TSPAN8: variants seen among roughly 807,000 people sequenced by gnomAD.
TSPAN8 encodes tetraspanin 8, also known as tetraspanin-8.
In TSPAN8, 21 loss-of-function variants were observed where a neutral mutation model predicts 32.8. The ratio of observed to expected loss-of-function variants is 0.64; its 90% CI spans 0.45 to 0.92. The LOEUF is 0.92. Among genes scored for constraint, TSPAN8 ranks in the 40% least tolerant of loss-of-function variants. TSPAN8 has a pLI of 0.00. For missense variants in TSPAN8, 269 were observed against 281.9 expected (o/e 0.95, Z 0.33); for synonymous variants, 95 against 94.6 (o/e 1.00, Z -0.03).
In TSPAN8 at chr12:71,150,595, T is replaced by C. The variant is rs145575193; in HGVS notation, c.61-6382A>G. 3.5e-3 allele frequency among the ~76,000 whole-genome samples: 530 copies of C among 152,282 alleles called. 1 individual carries two copies. Among genetic ancestry groups the C allele is most frequent in the Non-Finnish European group, 5.9e-3 (400 of 68,018 alleles). On this transcript the variant is annotated intron_variant, in intron 2 of 8. Coordinates refer to ENST00000247829, the MANE Select transcript of TSPAN8 (RefSeq NM_004616.3). ...TTATTTCTCAGCCAGCTGACACTTA[T>C]GGAAAATAGAACCTACGTTGAAATA...
chr12:71,135,449 A>G (rs1308341239), intron 6 of TSPAN8, among the ~76,000 whole-genome samples: 1 of 150,272 alleles, frequency 6.7e-6, no homozygotes. Flanking sequence ...AAAAAGAATC[A>G]GCAGAAGAAG....
At chr12:71,141,630 G>A (rs780096156) in intron 3 of TSPAN8, among the ~76,000 whole-genome samples, 1 of 152,222 alleles carries the variant, frequency 6.6e-6, no homozygotes, top group Non-Finnish European at 1.5e-5. Flanking sequence ...CCTGGGCAGG[G>A]TGACCCACTG....
intron 2 of TSPAN8, among the ~76,000 whole-genome samples, chr12:71,144,846 TA>T (rs1369229019): frequency 6.6e-6 from 1 of 152,160 alleles, no homozygotes; most frequent in Admixed American, 6.6e-5. Context: ...CTTGAAGTCT[TA>T]AATTCCTTTA....
rs781166498 is a variant in TSPAN8 at position 71,129,387 on chromosome 12, A to G, written c.604T>C (p.Leu202=). 2 of 1,586,190 alleles carry G rather than the reference A, an allele frequency of 1.3e-6. No homozygotes were observed. Among genetic ancestry groups the G allele is most frequent in the Non-Finnish European group, 8.6e-7 (1 of 1,168,094 alleles). The change falls in exon 8 of 9, where the codon TTG becomes CTG. Residue 202 remains leucine (L), a synonymous_variant. Coordinates refer to ENST00000247829, the MANE Select transcript of TSPAN8 (RefSeq NM_004616.3). ...ETCISFIKDF[L]AKNLIIVIGI... ...ATAACTATAATCAAATTTTTTGCCAAGAAGTCTTTTATGAAAGAAATACAG... is the reference window on the plus strand; with the variant it reads ...ATAACTATAATCAAATTTTTTGCCAGGAAGTCTTTTATGAAAGAAATACAG...
At chr12:71,150,240 C>T (rs1286333386) in intron 2 of TSPAN8, among the ~76,000 whole-genome samples, 1 of 152,198 alleles carries the variant, frequency 6.6e-6, no homozygotes, top group African/African-American at 2.4e-5. Context: ...CCGCTGAACA[C>T]AGACCCTTAT....
intron 8 of TSPAN8, 119 bp downstream of exon 8, chr12:71,129,212 C>G: frequency 9.0e-7 from 1 of 1,108,642 alleles, no homozygotes; most frequent in Non-Finnish European, 1.2e-6. Context: ...AAAGCATCTG[C>G]GTTTTTTATG....
intron 7 of TSPAN8, among the ~76,000 whole-genome samples, chr12:71,129,840 G>T: frequency 6.6e-6 from 1 of 151,628 alleles, no homozygotes; most frequent in Admixed American, 6.6e-5. Context: ...CCTTGACTAA[G>T]GATTTTTTAG....
chr12:71,128,362 G>A (rs974673403), intron 8 of TSPAN8, among the ~76,000 whole-genome samples: 1 of 152,158 alleles, frequency 6.6e-6, no homozygotes, highest in African/African-American at 2.4e-5. Flanking sequence ...GCACGAGTAA[G>A]AGGTAGAAAA....
intron 6 of TSPAN8, among the ~76,000 whole-genome samples, chr12:71,136,720 A>G (rs1871708554): frequency 6.6e-6 from 1 of 152,214 alleles, no homozygotes; most frequent in Admixed American, 6.5e-5. Context: ...AGGGGATAGT[A>G]TACTGATTTA....
chr12:71,138,660 C>T (rs1355609548), intron 4 of TSPAN8, among the ~76,000 whole-genome samples: 7 of 152,254 alleles, frequency 4.6e-5, no homozygotes, highest in African/African-American at 7.2e-5. Flanking sequence ...TTCCTGAAAT[C>T]GGCTTCAGAT....
chr12:71,153,660 A>C, intron 2 of TSPAN8, among the ~76,000 whole-genome samples: 1 of 152,214 alleles, frequency 6.6e-6, no homozygotes, highest in Admixed American at 6.5e-5. Context: ...ACAAATTGCT[A>C]ATTTCCTATG....
At chr12:71,126,773 T>A (rs1042768337) in intron 8 of TSPAN8, among the ~76,000 whole-genome samples, 1 of 149,546 alleles carries the variant, frequency 6.7e-6, no homozygotes, top group African/African-American at 2.4e-5. Flanking sequence ...TTTTTTTTTT[T>A]AATTAAAGCA....
intron 8 of TSPAN8, among the ~76,000 whole-genome samples, chr12:71,127,790 T>C (rs982185538): frequency 9.9e-5 from 15 of 152,186 alleles, no homozygotes; most frequent in Non-Finnish European, 2.1e-4. Flanking sequence ...CCCAATCAAG[T>C]ATGTCCTTAC....
At chr12:71,140,416 AAG>A (rs1871865721) in intron 3 of TSPAN8, among the ~76,000 whole-genome samples, 1 of 152,240 alleles carries the variant, frequency 6.6e-6, no homozygotes, top group Admixed American at 6.5e-5. Flanking sequence ...AAGGGAAAGC[AAG>A]AGTTAACTGA....
At chr12:71,143,104 G>A (rs1339800872) in intron 3 of TSPAN8, among the ~76,000 whole-genome samples, 1 of 152,198 alleles carries the variant, frequency 6.6e-6, no homozygotes, top group East Asian at 1.9e-4. Context: ...CTCTCTTTAT[G>A]TGGGCAAATA....
chr12:71,151,564 CA>C (rs1402565283), intron 2 of TSPAN8, among the ~76,000 whole-genome samples: 1 of 152,092 alleles, frequency 6.6e-6, no homozygotes, highest in Non-Finnish European at 1.5e-5. Context: ...GTTTCTGAAT[CA>C]AAAAATGACA....
chr12:71,149,895 G>C (rs773100371), intron 2 of TSPAN8, among the ~76,000 whole-genome samples: 3 of 152,152 alleles, frequency 2.0e-5, no homozygotes, highest in Non-Finnish European at 2.9e-5. Context: ...GTGGGGTCGA[G>C]CAAAAAGAGC....
At chr12:71,145,157 G>A (rs530158699) in intron 2 of TSPAN8, among the ~76,000 whole-genome samples, 3 of 152,112 alleles carry the variant, frequency 2.0e-5, no homozygotes, top group Admixed American at 6.6e-5. Flanking sequence ...TGAGACATAC[G>A]CCTAGAACCC....
intron 2 of TSPAN8, among the ~76,000 whole-genome samples, chr12:71,146,712 G>A (rs1872089582): frequency 1.3e-5 from 2 of 152,090 alleles, no homozygotes; most frequent in African/African-American, 2.4e-5. Context: ...TTTTCATTCA[G>A]CTTTCATGGA....
Sources: gnomAD v4.1 joint callset for allele counts (sites outside exome capture counted in the v4.1 genomes callset) on GRCh38, gnomAD v4.1.1 for gene constraint, MANE v1.5 for transcripts, NCBI Gene and HGNC (gene_info 2026-07-23, HGNC 2026-07-21) for gene names.